The following FREM3 variants were observed in gnomAD, a reference collection of about 807,000 sequenced individuals.
FREM3 encodes the protein FRAS1 related extracellular matrix 3, also known as FRAS1-related extracellular matrix protein 3.
A neutral mutation model predicts 129.1 loss-of-function variants in FREM3; 105 were observed. That is an observed-to-expected ratio of 0.81 (90% CI 0.69 to 0.96). The LOEUF is 0.96. Among genes scored for constraint, FREM3 ranks in the 40% least tolerant of loss-of-function variants. FREM3 has a pLI of 0.00. For missense variants in FREM3, 2,593 were observed against 2,666.3 expected (o/e 0.97, Z 0.61); for synonymous variants, 1,014 against 1,044.9 (o/e 0.97, Z 0.57).
chr4:143,596,657 C>A (rs1738488378), intron 6 of FREM3, among the ~76,000 whole-genome samples: 1 of 152,046 alleles, frequency 6.6e-6, no homozygotes, highest in Non-Finnish European at 1.5e-5. Context: ...CAAAATCAAG[C>A]CTCACAGTGG....
At chr4:143,688,646 A>T (rs1740410171) in intron 2 of FREM3, among the ~76,000 whole-genome samples, 1 of 152,188 alleles carries the variant, frequency 6.6e-6, no homozygotes, top group Admixed American at 6.6e-5. Context: ...CATAGTCACT[A>T]ATACGGCGTG....
At chr4:143,654,813 C>T (rs930741346) in intron 2 of FREM3, among the ~76,000 whole-genome samples, 69 of 111,078 alleles carry the variant, frequency 6.2e-4, no homozygotes, top group African/African-American at 1.8e-3. Flanking sequence ...ACTTGTCATG[C>T]AATGACTCTT....
chr4:143,586,618 C>T (rs980654636), intron 6 of FREM3, among the ~76,000 whole-genome samples: 3 of 152,150 alleles, frequency 2.0e-5, no homozygotes, highest in Admixed American at 2.0e-4. Context: ...AGACACCAGG[C>T]TTCAGCGGTG....
intron 2 of FREM3, among the ~76,000 whole-genome samples, chr4:143,636,244 C>A (rs1049272304): frequency 6.8e-6 from 1 of 146,140 alleles, no homozygotes. Context: ...CATATAACCT[C>A]ATACTGGGAA....
At chr4:143,657,453 A>G (rs1447672841) in intron 2 of FREM3, among the ~76,000 whole-genome samples, 1 of 152,212 alleles carries the variant, frequency 6.6e-6, no homozygotes, top group Non-Finnish European at 1.5e-5. Context: ...TTTGCAAATC[A>G]GGACCTTAGA....
At chr4:143,584,853 C>T (rs1368728111) in intron 7 of FREM3, among the ~76,000 whole-genome samples, 1 of 152,168 alleles carries the variant, frequency 6.6e-6, no homozygotes, top group Non-Finnish European at 1.5e-5. Context: ...CATACACGTA[C>T]TCTAAAATCG....
intron 5 of FREM3, among the ~76,000 whole-genome samples, chr4:143,612,496 TG>T (rs1738776121): frequency 6.6e-6 from 1 of 152,372 alleles, no homozygotes; most frequent in East Asian, 1.9e-4. Context: ...TTCTAGTTCT[TG>T]GCAATTGTGA....
At chr4:143,658,331 A>G (rs1739636806) in intron 2 of FREM3, among the ~76,000 whole-genome samples, 1 of 152,224 alleles carries the variant, frequency 6.6e-6, no homozygotes, top group Non-Finnish European at 1.5e-5. Flanking sequence ...ATGAGGACAC[A>G]GTAAGAATTT....
At chr4:143,662,722 C>A (rs1170734650) in intron 2 of FREM3, among the ~76,000 whole-genome samples, 1 of 151,890 alleles carries the variant, frequency 6.6e-6, no homozygotes, top group African/African-American at 2.4e-5. Flanking sequence ...GAGTCTAAGT[C>A]TCTTTATAGG....
chr4:143,591,229 C>A (rs964460804), intron 6 of FREM3, among the ~76,000 whole-genome samples: 27 of 152,284 alleles, frequency 1.8e-4, no homozygotes, highest in African/African-American at 5.5e-4. Context: ...TTTTTTGTGT[C>A]TCTATCTCCT....
chr4:143,683,886 G>A (rs1277394792), intron 2 of FREM3, among the ~76,000 whole-genome samples: 1 of 152,108 alleles, frequency 6.6e-6, no homozygotes, highest in African/African-American at 2.4e-5. Context: ...GTGACTGCCG[G>A]CTTTCCCCCT....
In FREM3 at chr4:143,675,653, TAAAG is replaced by T. The variant is rs962647927; in HGVS notation, c.5275+17456_5275+17459del. 7.2e-5 allele frequency among the ~76,000 whole-genome samples: 11 copies of T among 151,794 alleles called. No homozygotes were observed. In the East Asian group the frequency reaches 9.6e-4, roughly 13 times the overall value. ...ATTGATAGACTGCTAGAAGGACTAA[TAAAG>T]AAAGAAAGAGAGAAGAATCAAACAG... On this transcript the variant is annotated intron_variant, in intron 2 of 7. Transcript: ENST00000329798.
rs201139128 is a variant in FREM3, at chr4:143,631,597, TA to T, written c.5276-3838del. ...AGGATTCTCTAATCCAACTAGAAAA[TA>T]AGACGTGTATATGAAACTGTTAAAT... is the stretch of plus-strand genomic sequence containing the variant. On this transcript the variant is annotated intron_variant, in intron 2 of 7. Coordinates refer to ENST00000329798, the MANE Select transcript of FREM3 (RefSeq NM_001168235.2). Among the ~76,000 whole-genome samples the T allele has an allele frequency of 4.1e-3, 630 of 152,224 alleles. 15 individuals carry two copies. The highest frequency in any genetic ancestry group is 0.038 in the Admixed American group (582 of 15,268).
chr4:143,630,401 C>T (rs968966540), intron 2 of FREM3, among the ~76,000 whole-genome samples: 3 of 152,094 alleles, frequency 2.0e-5, no homozygotes, highest in Non-Finnish European at 4.4e-5. Context: ...CTTTGAACTC[C>T]TCTTTTATTT....
chr4:143,670,698 G>A (rs2149855636), intron 2 of FREM3, among the ~76,000 whole-genome samples: 1 of 152,190 alleles, frequency 6.6e-6, no homozygotes, highest in South Asian at 2.1e-4. Context: ...AGTAGGTATT[G>A]ATTTACTAGT....
At chr4:143,677,404 A>G (rs1276395107) in intron 2 of FREM3, among the ~76,000 whole-genome samples, 1 of 152,248 alleles carries the variant, frequency 6.6e-6, no homozygotes, top group Admixed American at 6.5e-5. Context: ...AAGATGGATT[A>G]AAGACTTAAA....
intron 6 of FREM3, among the ~76,000 whole-genome samples, chr4:143,600,689 T>A (rs1738555812): frequency 6.6e-6 from 1 of 152,210 alleles, no homozygotes; most frequent in South Asian, 2.1e-4. Flanking sequence ...AAAGATCTTA[T>A]AATGGCTAGG....
intron 2 of FREM3, among the ~76,000 whole-genome samples, chr4:143,673,749 G>A (rs1158405016): frequency 2.0e-5 from 3 of 152,258 alleles, no homozygotes; most frequent in African/African-American, 7.2e-5. Flanking sequence ...CCCAGTTCAA[G>A]CTTCCTGGCC....
At chr4:143,610,286 G>A (rs188043963) in intron 6 of FREM3, among the ~76,000 whole-genome samples, 2 of 152,232 alleles carry the variant, frequency 1.3e-5, no homozygotes, top group East Asian at 1.9e-4. Context: ...ACAGAAGACC[G>A]CCTTTAATCT....
Sources: allele counts gnomAD v4.1 joint callset (sites outside exome capture counted in the v4.1 genomes callset), GRCh38; gene constraint gnomAD v4.1.1; transcripts MANE v1.5; gene names NCBI Gene and HGNC (gene_info 2026-07-23, HGNC 2026-07-21).